The following GFRA2 variants were observed in gnomAD, a reference collection of about 807,000 sequenced individuals.
The protein encoded by GFRA2 is GDNF family receptor alpha-2.
In GFRA2, 17 loss-of-function variants were observed where a neutral mutation model predicts 48.3. The ratio of observed to expected loss-of-function variants is 0.35; its 90% CI spans 0.24 to 0.53. GFRA2 has a LOEUF of 0.53. GFRA2 is among the 20% of genes least tolerant of loss of function. The probability of loss-of-function intolerance (pLI) is 0.93; values close to 1 mark genes in which losing one functional copy is unlikely to be tolerated. For synonymous variants in GFRA2, 305 were observed against 257.2 expected (o/e 1.19, Z -1.78); for missense variants, 660 against 637.3 (o/e 1.04, Z -0.38).
chr8:21,759,762 G>T (rs1404413259), intron 3 of GFRA2, among the ~76,000 whole-genome samples: 1 of 151,136 alleles, frequency 6.6e-6, no homozygotes, highest in Non-Finnish European at 1.5e-5. Context: ...GGTGGCATGT[G>T]CCTGTAATCC....
intron 2 of GFRA2, among the ~76,000 whole-genome samples, chr8:21,777,880 G>A (rs1049054544): frequency 6.6e-6 from 1 of 152,188 alleles, no homozygotes; most frequent in Non-Finnish European, 1.5e-5. Flanking sequence ...GATGGTAGGG[G>A]TGAGCCCGAA....
At chr8:21,747,922 C>T (rs984640307) in intron 4 of GFRA2, among the ~76,000 whole-genome samples, 3 of 151,994 alleles carry the variant, frequency 2.0e-5, no homozygotes, top group African/African-American at 7.2e-5. Context: ...CCTCTGAAAC[C>T]CCCTTCCCTT....
At chr8:21,730,169 C>T (rs930163418) in intron 4 of GFRA2, among the ~76,000 whole-genome samples, 2 of 152,226 alleles carry the variant, frequency 1.3e-5, no homozygotes, top group South Asian at 2.1e-4. Context: ...CTTTGGGAGG[C>T]TGAGGTGGGT....
chr8:21,740,558 G>C (rs1167814646), intron 4 of GFRA2, among the ~76,000 whole-genome samples: 1 of 152,124 alleles, frequency 6.6e-6, no homozygotes. Context: ...TTGACTCCTA[G>C]AATACCATAA....
chr8:21,783,165 C>T, intron 1 of GFRA2: 1 of 632,240 alleles, frequency 1.6e-6, no homozygotes, highest in Non-Finnish European at 2.9e-6. Flanking sequence ...CACAATAAAG[C>T]CAGGAAGGTC....
At chr8:21,704,230 C>T (rs369115810) in intron 6 of GFRA2, among the ~76,000 whole-genome samples, 32 of 152,348 alleles carry the variant, frequency 2.1e-4, no homozygotes, top group African/African-American at 7.2e-4. Flanking sequence ...AGCTAACCAT[C>T]CACAGATACA....
At chr8:21,807,857 C>T (rs557310857) in intron 1 of GFRA2, among the ~76,000 whole-genome samples, 12 of 152,216 alleles carry the variant, frequency 7.9e-5, no homozygotes, top group Non-Finnish European at 1.2e-4. Context: ...GACATCATAA[C>T]GCCTCTTTCT....
intron 8 of GFRA2, 76 bp from the exon 9 acceptor site, chr8:21,693,476 G>A (rs534449713): frequency 6.8e-5 from 95 of 1,404,496 alleles, no homozygotes; most frequent in Non-Finnish European, 8.3e-5. Flanking sequence ...CCTGGGACCC[G>A]GCAGAGAAAC....
intron 1 of GFRA2, among the ~76,000 whole-genome samples, chr8:21,807,168 A>T (rs1281753928): frequency 6.6e-6 from 1 of 152,244 alleles, no homozygotes; most frequent in African/African-American, 2.4e-5. Flanking sequence ...AATTGTCATT[A>T]TAGTAGTATT....
chr8:21,811,760 C>A (rs1807985852), intron 1 of GFRA2, among the ~76,000 whole-genome samples: 1 of 152,116 alleles, frequency 6.6e-6, no homozygotes, highest in South Asian at 2.1e-4. Flanking sequence ...CTCCAGCCCC[C>A]TCATTGCAGA....
intron 5 of GFRA2, among the ~76,000 whole-genome samples, chr8:21,705,509 G>A (rs576256150): frequency 6.6e-6 from 1 of 152,296 alleles, no homozygotes; most frequent in Admixed American, 6.5e-5. Context: ...TATGAGCGAG[G>A]TGAGACTGTG....
intron 3 of GFRA2, among the ~76,000 whole-genome samples, chr8:21,757,592 C>G (rs184756918): frequency 6.6e-6 from 1 of 151,856 alleles, no homozygotes; most frequent in Admixed American, 6.5e-5. Context: ...CTCCCAGGTT[C>G]AGGCGATTCT....
At position 21,705,693 on chromosome 8, in the gene GFRA2, T is replaced by G. The variant is rs563752188; in HGVS notation, c.904+239A>C. On this transcript the variant is annotated intron_variant, in intron 5 of 8. Transcript: ENST00000524240. ...ATAAATGTTACCTTTGCTTCTTTTCTCAAAAGCTTTAGGAGGCCCCTGGGG... is the reference window on the plus strand; with the variant it reads ...ATAAATGTTACCTTTGCTTCTTTTCGCAAAAGCTTTAGGAGGCCCCTGGGG... 2.6e-5 allele frequency among the ~76,000 whole-genome samples: 4 copies of G among 152,320 alleles called. No homozygotes were observed. In the South Asian group the frequency reaches 8.3e-4, roughly 32 times the overall value.
chr8:21,699,713 G>A lies in GFRA2; in HGVS notation c.1218+3092C>T, dbSNP rs369726622. ...CACCTCTGCAGCTTCCCAGTCCTGC[G>A]CACAGAGGGCACCTAGGAGAAGGAA... On this transcript the variant is annotated intron_variant, in intron 7 of 8. Coordinates refer to ENST00000524240, the MANE Select transcript of GFRA2 (RefSeq NM_001495.5). Among the ~76,000 whole-genome samples, 226 of 152,260 alleles carry A rather than the reference G, an allele frequency of 1.5e-3. 3 individuals are homozygous for A. The South Asian group carries it at 0.016, about 11-fold the overall frequency.
chr8:21,709,153 A>G (rs1357297039), intron 4 of GFRA2, among the ~76,000 whole-genome samples: 1 of 152,170 alleles, frequency 6.6e-6, no homozygotes, highest in Non-Finnish European at 1.5e-5. Flanking sequence ...AAGGGCATCC[A>G]AGCACCAGGC....
chr8:21,755,263 G>T lies in GFRA2; in HGVS notation c.440-4321C>A, dbSNP rs143087412. 5.6e-3 allele frequency among the ~76,000 whole-genome samples: 858 copies of T among 152,166 alleles called. 4 individuals are homozygous for T. Among genetic ancestry groups the T allele is most frequent in the Middle Eastern group, 0.01 (3 of 294 alleles). ...TGTAGGTTCAAGAATTTTAACAAAT[G>T]CATCCCTCTATAGAGGGATGCTGAT... On this transcript the variant is annotated intron_variant, in intron 3 of 8. Coordinates refer to ENST00000524240, the MANE Select transcript of GFRA2 (RefSeq NM_001495.5).
intron 3 of GFRA2, among the ~76,000 whole-genome samples, chr8:21,757,322 T>C (rs1805618381): frequency 6.6e-6 from 1 of 152,200 alleles, no homozygotes; most frequent in Non-Finnish European, 1.5e-5. Context: ...TTCCAGACAC[T>C]GGAAGCCCCC....
rs376149507 is a variant in GFRA2 at position 21,697,379 on chromosome 8, A to G, written c.1219-2862T>C. Among the ~76,000 whole-genome samples the G allele has an allele frequency of 9.9e-5, 15 of 152,006 alleles. No individual in the cohort carries two copies. In the East Asian group the frequency reaches 2.1e-3, roughly 22 times the overall value. On this transcript the variant is annotated intron_variant, in intron 7 of 8. Coordinates refer to ENST00000524240, the MANE Select transcript of GFRA2 (RefSeq NM_001495.5). ...CTGAGGACAACCACTGTACCCTCTCATCTGATGCTGATTATCAGGGGACAG... is the reference window on the plus strand; with the variant it reads ...CTGAGGACAACCACTGTACCCTCTCGTCTGATGCTGATTATCAGGGGACAG...
chr8:21,754,570 G>T (rs1805470812), intron 3 of GFRA2, among the ~76,000 whole-genome samples: 1 of 144,686 alleles, frequency 6.9e-6, no homozygotes, highest in Non-Finnish European at 1.5e-5. Flanking sequence ...GTGCAATGGT[G>T]TGATCGCGGC....
Sources: allele counts gnomAD v4.1 joint callset (sites outside exome capture counted in the v4.1 genomes callset), GRCh38; gene constraint gnomAD v4.1.1; transcripts MANE v1.5; gene names NCBI Gene and HGNC (gene_info 2026-07-23, HGNC 2026-07-21).